The following GOLT1A variants were observed in gnomAD, a reference collection of about 807,000 sequenced individuals.
GOLT1A encodes vesicle transport protein GOT1A.
In GOLT1A, 10 loss-of-function variants were observed where a neutral mutation model predicts 16.1. That is an observed-to-expected ratio of 0.62 (90% CI 0.38 to 1.05). The LOEUF (loss-of-function observed/expected upper bound fraction) is 1.05. Ranked by LOEUF, GOLT1A falls within the 50% of genes least tolerant of loss-of-function variation. The pLI, the probability that GOLT1A is intolerant of heterozygous loss-of-function variation, is 0.01. For synonymous variants in GOLT1A, 60 were observed against 67.9 expected, an observed-to-expected ratio of 0.88 and a Z score of 0.57; for missense variants, 137 against 165.7, an observed-to-expected ratio of 0.83 and a Z score of 0.95.
At chr1:204,198,606 G>C (rs1384222691) in intron 4 of GOLT1A, 110 bp from the exon 5 acceptor site, 1 of 1,004,610 alleles carries the variant, frequency 1.0e-6, no homozygotes, top group Non-Finnish European at 1.5e-6. Flanking sequence ...GCGCAGATAC[G>C]AGAGGGGCTG....
At chr1:204,212,709 C>T (rs1659157789) in intron 1 of GOLT1A, among the ~76,000 whole-genome samples, 1 of 151,468 alleles carries the variant, frequency 6.6e-6, no homozygotes, top group Admixed American at 6.6e-5. Flanking sequence ...ATTCTCAACC[C>T]AGCACCCAGA....
In GOLT1A at chr1:204,202,984, A is replaced by G; in HGVS notation, c.29T>C (p.Ile10Thr). 5.0e-6 allele frequency: 8 copies of G among 1,613,606 alleles called. No homozygotes were observed. The highest frequency in any genetic ancestry group is 2.2e-5 in the East Asian group (1 of 44,878). MISITEWQK[I>T]GVGITGFGIF... ...GCCGAAACCGGTGATCCCCACACCA[A>G]TCTCTGCAATGGGCAAGGAGGTGGT... The change falls in exon 2 of 5, where the codon ATT (isoleucine) becomes ACT (threonine). Residue 10 changes from isoleucine (I) to threonine (T), a missense_variant. Transcript: ENST00000308302.
chr1:204,201,638 G>A lies in GOLT1A; in HGVS notation c.291C>T (p.Leu97=). 6.2e-7 allele frequency: 1 copy of A among 1,614,088 alleles called. No individual in the cohort carries two copies. The highest frequency in any genetic ancestry group is 8.5e-7 in the Non-Finnish European group (1 of 1,179,974). Residue 97 remains leucine (L), a synonymous_variant, in exon 3 of 5, where the codon CTC becomes CTT. Transcript: ENST00000308302. ...TTATAGGGATTTGCACTCACTTAAA[G>A]AGGCTGAAGAATCCGTAGGTTTCCA... ...MFLETYGFFS[L]FKGFFPVAFG... is the part of the protein sequence containing the mutation.
At chr1:204,211,116 G>A (rs947167070) in intron 1 of GOLT1A, among the ~76,000 whole-genome samples, 15 of 152,010 alleles carry the variant, frequency 9.9e-5, no homozygotes, top group African/African-American at 3.4e-4. Context: ...TTTCCTGGAC[G>A]TATGCAGCAG....
At chr1:204,209,765 T>C (rs1659109694) in intron 1 of GOLT1A, among the ~76,000 whole-genome samples, 1 of 152,192 alleles carries the variant, frequency 6.6e-6, no homozygotes, top group Non-Finnish European at 1.5e-5. Flanking sequence ...CTCCAAACAG[T>C]GCCTTTTGGG....
chr1:204,199,582 C>T (rs755250298), intron 3 of GOLT1A, among the ~76,000 whole-genome samples: 7 of 152,198 alleles, frequency 4.6e-5, no homozygotes, highest in Non-Finnish European at 8.8e-5. Context: ...CATAAGGCCA[C>T]GTACAAAGAA....
At chr1:204,205,849 C>A (rs986667092) in intron 1 of GOLT1A, among the ~76,000 whole-genome samples, 2 of 152,166 alleles carry the variant, frequency 1.3e-5, no homozygotes, top group African/African-American at 4.8e-5. Context: ...GTGGGTGGAT[C>A]ACTTGAAGTC....
chr1:204,200,482 C>T (rs1272757721), intron 3 of GOLT1A, among the ~76,000 whole-genome samples: 1 of 150,618 alleles, frequency 6.6e-6, no homozygotes, highest in Non-Finnish European at 1.5e-5. Context: ...TGCCACCAAG[C>T]CTGGCTAATT....
chr1:204,199,559 A>C (rs1166190359), intron 3 of GOLT1A, among the ~76,000 whole-genome samples: 2 of 152,202 alleles, frequency 1.3e-5, no homozygotes, highest in African/African-American at 2.4e-5. Flanking sequence ...GCTAACAATA[A>C]CAGTATCTAC....
intron 1 of GOLT1A, among the ~76,000 whole-genome samples, chr1:204,203,438 C>T (rs1465123431): frequency 6.6e-6 from 1 of 152,184 alleles, no homozygotes; most frequent in African/African-American, 2.4e-5. Context: ...ACCACCAGCT[C>T]CAAAGAGCCT....
chr1:204,210,137 C>A (rs1659116913), intron 1 of GOLT1A, among the ~76,000 whole-genome samples: 1 of 152,210 alleles, frequency 6.6e-6, no homozygotes, highest in African/African-American at 2.4e-5. Context: ...GCAGGCAATG[C>A]TCTTGCCTTG....
chr1:204,211,303 G>A (rs1659133768), intron 1 of GOLT1A, among the ~76,000 whole-genome samples: 1 of 151,682 alleles, frequency 6.6e-6, no homozygotes, highest in Non-Finnish European at 1.5e-5. Context: ...CAGCTCACAG[G>A]CCCTGCCTGG....
At chr1:204,199,110 G>T in intron 4 of GOLT1A, 85 bp downstream of exon 4, 1 of 1,222,424 alleles carries the variant, frequency 8.2e-7, no homozygotes, top group Non-Finnish European at 1.2e-6. Flanking sequence ...CTGCCCCTGG[G>T]GCAGCAGTTT....
At chr1:204,207,500 C>G (rs1360786009) in intron 1 of GOLT1A, among the ~76,000 whole-genome samples, 2 of 152,200 alleles carry the variant, frequency 1.3e-5, no homozygotes, top group African/African-American at 4.8e-5. Flanking sequence ...CCATGGCCAC[C>G]CGATACGGAC....
intron 1 of GOLT1A, among the ~76,000 whole-genome samples, chr1:204,212,671 T>C (rs1490383482): frequency 6.7e-6 from 1 of 149,150 alleles, no homozygotes; most frequent in African/African-American, 2.5e-5. Flanking sequence ...CTGGCTTCCC[T>C]GCTGCTGCCT....
In GOLT1A at chr1:204,198,462, A is replaced by T. The variant is rs748243694; in HGVS notation, c.395T>A (p.Val132Asp). ...FRRLQGTSSM[V>D] ...CAAGGAGCTCATCTCTGTTTTTCAG[A>T]CCATCGAGCTAGTGCCTTGAAGTCT... Residue 132 changes from valine to aspartate, a missense_variant, in exon 5 of 5, where the codon GTC becomes GAC. Physicochemically the swap from Val to Asp is radical, Grantham distance 152. Transcript: ENST00000308302. 1.9e-6 allele frequency: 3 copies of T among 1,613,714 alleles called. No homozygotes were observed. Among genetic ancestry groups the T allele is most frequent in the Non-Finnish European group, 1.7e-6 (2 of 1,179,836 alleles).
rs746457288 is a variant in GOLT1A at position 204,199,242 on chromosome 1, C to T, written c.313G>A (p.Ala105Thr). ...CAGACATTGCCCAGGAAGCCGAAGG[C>T]GACAGGGAAAAAGCCCCTAGGAGCA... is the stretch of plus-strand genomic sequence containing the variant. Reference protein sequence around the residue: ...FSLFKGFFPVAFGFLGNVCNI... With the variant: ...FSLFKGFFPVTFGFLGNVCNI... The change falls in exon 4 of 5, where the codon GCC becomes ACC. Residue 105 changes from alanine to threonine, a missense_variant. By Grantham distance (58) the Ala-to-Thr change is moderately conservative. Transcript: ENST00000308302. The T allele has an allele frequency of 1.3e-5, 21 of 1,603,730 alleles. No homozygotes were observed. The highest frequency in any genetic ancestry group is 1.4e-5 in the Non-Finnish European group (17 of 1,176,144).
At chr1:204,207,255 G>A (rs1021106020) in intron 1 of GOLT1A, among the ~76,000 whole-genome samples, 1 of 152,242 alleles carries the variant, frequency 6.6e-6, no homozygotes, top group African/African-American at 2.4e-5. Context: ...AGATTGGGCA[G>A]CGCGCCCTCT....
intron 1 of GOLT1A, among the ~76,000 whole-genome samples, chr1:204,205,942 C>T (rs896650184): frequency 9.2e-5 from 14 of 152,082 alleles, no homozygotes; most frequent in African/African-American, 2.4e-4. Flanking sequence ...TGGTGGCATG[C>T]GTCTCTAGTC....
Sources: allele counts gnomAD v4.1 joint callset (sites outside exome capture counted in the v4.1 genomes callset), GRCh38; gene constraint gnomAD v4.1.1; transcripts MANE v1.5; gene names NCBI Gene and HGNC (gene_info 2026-07-23, HGNC 2026-07-21).